Variants in GANAB observed in about 807,000 individuals in gnomAD.
GANAB encodes glucosidase II alpha subunit, also known as neutral alpha-glucosidase AB.
A neutral mutation model predicts 129.9 loss-of-function variants in GANAB; 35 were observed. The observed-to-expected ratio is 0.27, with a 90% CI of 0.21 to 0.36. GANAB has a LOEUF of 0.36. GANAB is among the 10% of genes least tolerant of loss of function. The pLI, the probability that GANAB is intolerant of heterozygous loss-of-function variation, is 1.00. For missense variants in GANAB, 939 were observed against 1,221.0 expected (o/e 0.77, Z 3.44); for synonymous variants, 482 against 451.8 (o/e 1.07, Z -0.85).
rs904179937 is a variant in GANAB, at chr11:62,625,678, C to G, written c.*137G>C. 6 of 663,598 alleles carry G rather than the reference C, an allele frequency of 9.0e-6. No homozygotes were observed. Among genetic ancestry groups the G allele is most frequent in the East Asian group, 2.7e-5 (1 of 36,748 alleles). 41.1% of individuals were successfully genotyped at this position (663,598 alleles called of 1,614,324 possible). ...GCCCAGGGTCAGCCCTCTCATCCTG[C>G]CCAAATGTTGGCAGAATCTGGGTCT... On this transcript the variant is annotated 3_prime_UTR_variant, in exon 24 of 24. Coordinates refer to ENST00000356638, the MANE Select transcript of GANAB (RefSeq NM_198334.3).
rs1943590563 is a variant in GANAB, at chr11:62,630,050, G to A, written c.1594-93C>T. The A allele has an allele frequency of 2.7e-6, 4 of 1,457,638 alleles. No individual in the cohort carries two copies. The Admixed American group carries it at 7.0e-5, about 26-fold the overall frequency. The allele number at this position is 1,457,638 out of a possible 1,614,324, so 90.3% of individuals were successfully genotyped here. A position where few individuals can be genotyped will look rare whatever the true frequency, so the allele number is the denominator to read the frequency against. On this transcript the variant is annotated intron_variant, in intron 13 of 23. Coordinates refer to ENST00000356638, the MANE Select transcript of GANAB (RefSeq NM_198334.3). ...AAGAGAGCTCCTAGGAATCTAAAAA[G>A]ATGCATTTTTCAGGGCCCTCCCCGG...
At chr11:62,627,574 A>T (rs1046879179) in intron 17 of GANAB, among the ~76,000 whole-genome samples, 1 of 152,024 alleles carries the variant, frequency 6.6e-6, no homozygotes, top group African/African-American at 2.4e-5. Flanking sequence ...TCTACTAAAA[A>T]TACAAAAATT....
At chr11:62,646,235 G>A (rs1224150284) in intron 1 of GANAB, among the ~76,000 whole-genome samples, 1 of 152,186 alleles carries the variant, frequency 6.6e-6, no homozygotes, top group Middle Eastern at 3.2e-3. Flanking sequence ...ACGACCCCGC[G>A]CACTGCAGGA....
At chr11:62,640,031 C>G (rs563911419) in intron 1 of GANAB, 5 of 291,916 alleles carry the variant, frequency 1.7e-5, no homozygotes, top group Admixed American at 4.6e-5. Context: ...GTCAGGAGAT[C>G]AAGACCATCC....
At chr11:62,631,304 G>T in intron 9 of GANAB, 121 bp from the exon 10 acceptor site, 1 of 842,412 alleles carries the variant, frequency 1.2e-6, no homozygotes, top group Non-Finnish European at 1.8e-6. Flanking sequence ...AGCTGCTTTC[G>T]GTAAGACTAA....
chr11:62,644,136 G>A (rs1486234852), intron 1 of GANAB, among the ~76,000 whole-genome samples: 1 of 151,990 alleles, frequency 6.6e-6, no homozygotes. Flanking sequence ...TAGAGACGGG[G>A]TTTCTCTGTG....
At chr11:62,636,683 C>T (rs1315320206) in intron 4 of GANAB, among the ~76,000 whole-genome samples, 2 of 152,022 alleles carry the variant, frequency 1.3e-5, no homozygotes, top group South Asian at 2.1e-4. Flanking sequence ...GGTATAGTGA[C>T]GCACGCCTGT....
rs372948756 is a variant in GANAB, at chr11:62,629,817, A to G, written c.1734T>C (p.Tyr578=). 1.9e-6 allele frequency: 3 copies of G among 1,613,960 alleles called. No individual in the cohort carries two copies. In the African/African-American group the frequency reaches 4.0e-5, roughly 22 times the overall value. The change falls in exon 14 of 24, where the codon TAT becomes TAC. Residue 578 remains tyrosine (Y), a synonymous_variant. Transcript: ENST00000356638. ...HRDVHNIYGL[Y]VHMATADGLR... ...CTCTCCTCTCTCAGGCCCTTACCACATAAAGGCCATAGATGTTATGCACAT... is the reference window on the plus strand; with the variant it reads ...CTCTCCTCTCTCAGGCCCTTACCACGTAAAGGCCATAGATGTTATGCACAT...
chr11:62,627,601 A>G (rs1267804566), intron 17 of GANAB, among the ~76,000 whole-genome samples: 1 of 152,068 alleles, frequency 6.6e-6, no homozygotes, highest in Non-Finnish European at 1.5e-5. Flanking sequence ...GCATGGTGGC[A>G]GGCACCTGTG....
Position 62,630,668 on chromosome 11 carries a change from G to A in GANAB, c.1319C>T (p.Thr440Ile), listed in dbSNP as rs1943629916. 1 of 1,614,080 alleles carries A rather than the reference G, an allele frequency of 6.2e-7. No individual in the cohort carries two copies. Among genetic ancestry groups the A allele is most frequent in the African/African-American group, 1.3e-5 (1 of 74,946 alleles). Residue 440 changes from threonine to isoleucine, a missense_variant, in exon 11 of 24, where the codon ACC (threonine) becomes ATC (isoleucine). Physicochemically the swap from Thr to Ile is moderately conservative, Grantham distance 89 (BLOSUM62 -1). Coordinates refer to ENST00000356638, the MANE Select transcript of GANAB (RefSeq NM_198334.3). ...CTGAGGGAAGCGACTGGGGTCCCAG[G>A]TGAAATACCGCTTGCCATCAGCATG... ...IEHADGKRYF[T>I]WDPSRFPQPR...
At chr11:62,631,519 A>G (rs1368660889) in intron 9 of GANAB, among the ~76,000 whole-genome samples, 3 of 150,062 alleles carry the variant, frequency 2.0e-5, no homozygotes, top group African/African-American at 7.4e-5. Flanking sequence ...CTGGAGTGCA[A>G]TGGTGTGATC....
At chr11:62,631,234 C>A (rs1565096920) in intron 9 of GANAB, 51 bp from the exon 10 acceptor site, 1 of 1,484,566 alleles carries the variant, frequency 6.7e-7, no homozygotes, top group Admixed American at 2.2e-5. Flanking sequence ...TCCCATTTTC[C>A]AACCCCAAGA....
rs151321739 is a variant in GANAB at position 62,628,056 on chromosome 11, CTGT to C, written c.2181-706_2181-704del. Among the ~76,000 whole-genome samples, 32 of 152,278 alleles carry C rather than the reference CTGT, an allele frequency of 2.1e-4. 1 individual carries two copies. Among genetic ancestry groups the C allele is most frequent in the East Asian group, 1.2e-3 (6 of 5,178 alleles). ...CTTCTGCTTCTTTACCCAAGACATACTGTTTTTTTCTATTCCTAGTACATAACA... is the reference window on the plus strand; with the variant it reads ...CTTCTGCTTCTTTACCCAAGACATACTTTTTTCTATTCCTAGTACATAACA... On this transcript the variant is annotated intron_variant, in intron 17 of 23. Transcript: ENST00000356638.
chr11:62,625,385 G>C lies in GANAB; in HGVS notation c.*430C>G, dbSNP rs1228949450. On this transcript the variant is annotated 3_prime_UTR_variant, in exon 24 of 24. Coordinates refer to ENST00000356638, the MANE Select transcript of GANAB (RefSeq NM_198334.3). ...GAAAGGTGGGAGAGCAATCTGGTGG[G>C]AGGGAAGGGGAAAAGGAGCCCTAAC... 4 of 430,964 alleles carry C rather than the reference G, an allele frequency of 9.3e-6. No individual in the cohort carries two copies. Among genetic ancestry groups the C allele is most frequent in the African/African-American group, 2.0e-5 (1 of 49,156 alleles). 26.7% of individuals were successfully genotyped at this position (430,964 alleles called of 1,614,324 possible). A position where few individuals can be genotyped will look rare whatever the true frequency, so the allele number is the denominator to read the frequency against.
intron 9 of GANAB, 29 bp from the exon 10 acceptor site, chr11:62,631,212 C>A (rs779523454): frequency 6.6e-7 from 1 of 1,520,810 alleles, no homozygotes. Context: ...AGGGGTCAGA[C>A]ACCTCCTGCC....
chr11:62,639,327 C>A (rs1382199464), intron 3 of GANAB, 32 bp downstream of exon 3: 1 of 1,432,378 alleles, frequency 7.0e-7, no homozygotes, highest in Non-Finnish European at 9.9e-7. Context: ...CATTGCCCCA[C>A]CCCCACCAGA....
At chr11:62,629,118 A>G (rs916348189) in intron 16 of GANAB, 76 bp downstream of exon 16, 1 of 1,538,826 alleles carries the variant, frequency 6.5e-7, no homozygotes, top group Non-Finnish European at 9.0e-7. Flanking sequence ...CTCTTTGCTT[A>G]CAACACCTTG....
chr11:62,633,418 T>TC, intron 6 of GANAB, 27 bp downstream of exon 6: 1 of 1,611,606 alleles, frequency 6.2e-7, no homozygotes, highest in African/African-American at 1.3e-5. Context: ...AGCCCTATCC[T>TC]CCAACCACCC....
chr11:62,626,837 G>T, intron 20 of GANAB, 23 bp downstream of exon 20: 2 of 1,568,550 alleles, frequency 1.3e-6, no homozygotes, highest in Non-Finnish European at 8.8e-7. Context: ...GATGGAACCG[G>T]CAGCCAGACC....
Sources: gnomAD v4.1 joint callset for allele counts (sites outside exome capture counted in the v4.1 genomes callset) on GRCh38, gnomAD v4.1.1 for gene constraint, MANE v1.5 for transcripts, NCBI Gene and HGNC (gene_info 2026-07-23, HGNC 2026-07-21) for gene names.